Variants in RBFOX1 observed in about 807,000 individuals in gnomAD.
RBFOX1 encodes the protein RNA binding fox-1 homolog 1.
RBFOX1 carries 8 observed loss-of-function variants against 57.7 expected under a neutral mutation model. The observed-to-expected ratio is 0.14, with a 90% CI of 0.08 to 0.25. RBFOX1 has a LOEUF of 0.25. Among genes scored for constraint, RBFOX1 ranks in the 10% least tolerant of loss-of-function variants. The pLI is 1.00. For synonymous variants in RBFOX1, 326 were observed against 222.4 expected, an observed-to-expected ratio of 1.47 and a Z score of -4.15; for missense variants, 611 against 548.5, an observed-to-expected ratio of 1.11 and a Z score of -1.14.
chr16:5,639,692 C>A (rs1020470481), intron 3 of RBFOX1, among the ~76,000 whole-genome samples: 1 of 152,146 alleles, frequency 6.6e-6, no homozygotes. Flanking sequence ...ACATGCCTAC[C>A]AGGCTGTAGG....
At chr16:6,049,042 T>TCTTCTAAC (rs989591340) in intron 1 of RBFOX1, among the ~76,000 whole-genome samples, 6 of 148,592 alleles carry the variant, frequency 4.0e-5, no homozygotes, top group African/African-American at 1.5e-4. Flanking sequence ...ACCCCTTACA[T>TCTTCTAAC]CTTCTAACAG....
chr16:5,600,235 A>C (rs986515196), downstream of RBFOX1: 4 of 151,910 alleles, frequency 2.6e-5, no homozygotes, highest in African/African-American at 9.7e-5. Flanking sequence ...TGGGAGGCAG[A>C]GCTTGCAGTG....
intron 4 of RBFOX1, among the ~76,000 whole-genome samples, chr16:7,120,290 C>G (rs1290328848): frequency 6.6e-6 from 1 of 151,226 alleles, no homozygotes; most frequent in African/African-American, 2.4e-5. Context: ...TTAAAAAAAG[C>G]AAATCAAAAA....
intron 1 of RBFOX1, among the ~76,000 whole-genome samples, chr16:6,242,271 C>T (rs1031045353): frequency 6.6e-6 from 1 of 152,128 alleles, no homozygotes; most frequent in African/African-American, 2.4e-5. Flanking sequence ...AGGATCATAT[C>T]CAAGCTCACT....
intron 4 of RBFOX1, among the ~76,000 whole-genome samples, chr16:6,004,296 G>A (rs767873450): frequency 5.9e-5 from 9 of 152,130 alleles, no homozygotes; most frequent in Non-Finnish European, 1.2e-4. Context: ...GGGTGACCTT[G>A]GACATTTCAC....
intron 1 of RBFOX1, among the ~76,000 whole-genome samples, chr16:6,090,571 A>G (rs1478088570): frequency 1.3e-5 from 2 of 152,232 alleles, no homozygotes; most frequent in African/African-American, 4.8e-5. Context: ...GAAAAATCTA[A>G]CATTCTGATG....
chr16:6,950,902 C>G (rs988638525), intron 3 of RBFOX1, among the ~76,000 whole-genome samples: 2 of 151,344 alleles, frequency 1.3e-5, no homozygotes, highest in Non-Finnish European at 2.9e-5. Flanking sequence ...TTCACTCTTT[C>G]TTTCTTTCTC....
intron 1 of RBFOX1, among the ~76,000 whole-genome samples, chr16:5,426,338 A>G (rs1423146640): frequency 6.6e-6 from 1 of 151,956 alleles, no homozygotes; most frequent in Non-Finnish European, 1.5e-5. Context: ...GGGTTGCTGA[A>G]TGTTTTTATT....
chr16:7,355,667 A>G (rs796291999), intron 4 of RBFOX1, among the ~76,000 whole-genome samples: 9 of 152,314 alleles, frequency 5.9e-5, no homozygotes, highest in African/African-American at 1.9e-4. Context: ...ACGGCACACA[A>G]TTCTATAAAC....
At chr16:7,315,634 A>T (rs1413278162) in intron 4 of RBFOX1, among the ~76,000 whole-genome samples, 1 of 120,482 alleles carries the variant, frequency 8.3e-6, no homozygotes, top group East Asian at 2.6e-4. Flanking sequence ...CCTTCCTGAA[A>T]AGTGGAGAAC....
chr16:6,642,866 C>G (rs943770339), intron 2 of RBFOX1, among the ~76,000 whole-genome samples: 2 of 152,092 alleles, frequency 1.3e-5, no homozygotes, highest in South Asian at 2.1e-4. Flanking sequence ...TGCAACCTAC[C>G]CAACTAAGGT....
At chr16:6,381,031 T>A (rs1183251512) in intron 2 of RBFOX1, among the ~76,000 whole-genome samples, 1 of 152,068 alleles carries the variant, frequency 6.6e-6, no homozygotes, top group African/African-American at 2.4e-5. Context: ...GTGGAAGTAT[T>A]TTAGGGGGCA....
intron 3 of RBFOX1, among the ~76,000 whole-genome samples, chr16:5,708,578 C>T (rs1346827054): frequency 1.3e-5 from 2 of 152,168 alleles, no homozygotes; most frequent in African/African-American, 4.8e-5. Flanking sequence ...CAGCTGACCC[C>T]CACCACCTCA....
At chr16:5,918,361 C>T (rs1489136391) in intron 4 of RBFOX1, among the ~76,000 whole-genome samples, 1 of 152,176 alleles carries the variant, frequency 6.6e-6, no homozygotes, top group Non-Finnish European at 1.5e-5. Context: ...CTCAGGTGAT[C>T]CACTCGCCTT....
At chr16:6,059,387 T>C (rs2095655733) in intron 1 of RBFOX1, 1 of 152,164 alleles carries the variant, frequency 6.6e-6, no homozygotes, top group African/African-American at 2.4e-5. Context: ...GATGACCTAA[T>C]CAAAATCTCT....
chr16:6,691,533 T>C (rs571348859), intron 3 of RBFOX1, among the ~76,000 whole-genome samples: 166 of 152,270 alleles, frequency 1.1e-3, no homozygotes, highest in African/African-American at 3.9e-3. Flanking sequence ...GTTTCGCAGG[T>C]TTCCCGTTAT....
chr16:7,570,782 C>G (rs1364608651), intron 5 of RBFOX1, among the ~76,000 whole-genome samples: 2 of 152,148 alleles, frequency 1.3e-5, no homozygotes, highest in Non-Finnish European at 2.9e-5. Context: ...GACACACATA[C>G]ACATGTATGT....
At chr16:5,262,235 T>C (rs1567249701) in intron 1 of RBFOX1, among the ~76,000 whole-genome samples, 1 of 152,180 alleles carries the variant, frequency 6.6e-6, no homozygotes, top group Non-Finnish European at 1.5e-5. Flanking sequence ...TGGTTAGTGT[T>C]ATGTATCAAT....
At chr16:6,567,836 T>C (rs1235320120) in intron 2 of RBFOX1, among the ~76,000 whole-genome samples, 1 of 152,144 alleles carries the variant, frequency 6.6e-6, no homozygotes, top group Non-Finnish European at 1.5e-5. Flanking sequence ...AAAATTCCTT[T>C]TTAGAGACAG....
Sources: gnomAD v4.1 joint callset for allele counts (sites outside exome capture counted in the v4.1 genomes callset) on GRCh38, gnomAD v4.1.1 for gene constraint, MANE v1.5 for transcripts, NCBI Gene and HGNC (gene_info 2026-07-23, HGNC 2026-07-21) for gene names.